The following PUM1 variants were observed in gnomAD, a reference collection of about 807,000 sequenced individuals.
PUM1 encodes the protein pumilio RNA binding family member 1, also known as pumilio homolog 1.
A neutral mutation model predicts 131.8 loss-of-function variants in PUM1; 13 were observed. The observed-to-expected ratio is 0.10, with a 90% CI of 0.06 to 0.16. PUM1 has a LOEUF of 0.16. PUM1 is among the 10% of genes least tolerant of loss of function. The probability of loss-of-function intolerance (pLI) is 1.00; values close to 1 mark genes in which losing one functional copy is unlikely to be tolerated. For synonymous variants in PUM1, 509 were observed against 556.5 expected (o/e 0.91, Z 1.20); for missense variants, 961 against 1,512.4 (o/e 0.64, Z 6.05).
At chr1:30,954,602 G>A (rs1310063178) in intron 14 of PUM1, among the ~76,000 whole-genome samples, 2 of 152,118 alleles carry the variant, frequency 1.3e-5, no homozygotes, top group South Asian at 2.1e-4. Flanking sequence ...AAAAATTTTC[G>A]AGTTTTCATT....
At chr1:31,065,207 C>T (rs575851811) in intron 1 of PUM1, among the ~76,000 whole-genome samples, 1 of 152,098 alleles carries the variant, frequency 6.6e-6, no homozygotes, top group Non-Finnish European at 1.5e-5. Flanking sequence ...TCGAAGAAAT[C>T]GGGGTGGCAC....
chr1:30,967,041 A>C, intron 12 of PUM1, 126 bp downstream of exon 12: 1 of 1,062,884 alleles, frequency 9.4e-7, no homozygotes, highest in South Asian at 1.7e-5. Context: ...TCTCTTTTTG[A>C]AACATTACAG....
At chr1:30,972,528 C>G (rs1309209803) in intron 10 of PUM1, among the ~76,000 whole-genome samples, 34 of 147,514 alleles carry the variant, frequency 2.3e-4, no homozygotes, top group African/African-American at 7.6e-4. Context: ...AATCCCAGCA[C>G]TTTGGGAGGC....
intron 2 of PUM1, among the ~76,000 whole-genome samples, chr1:31,058,791 T>G (rs1257041824): frequency 6.6e-6 from 1 of 151,398 alleles, no homozygotes. Context: ...GACAACATGG[T>G]GAAACCCTGT....
intron 2 of PUM1, among the ~76,000 whole-genome samples, chr1:31,039,943 G>C (rs1643765774): frequency 6.6e-6 from 1 of 152,114 alleles, no homozygotes; most frequent in Non-Finnish European, 1.5e-5. Context: ...GGGCCCAGTG[G>C]CTCACACCTG....
chr1:30,976,690 A>T (rs1641149217), intron 9 of PUM1, among the ~76,000 whole-genome samples: 1 of 152,220 alleles, frequency 6.6e-6, no homozygotes, highest in South Asian at 2.1e-4. Context: ...TGCACACTGA[A>T]ACACTATACC....
intron 3 of PUM1, among the ~76,000 whole-genome samples, chr1:31,015,212 A>G (rs1304205902): frequency 1.4e-4 from 22 of 152,216 alleles, no homozygotes; most frequent in Admixed American, 1.4e-3. Flanking sequence ...TTCAAAATAT[A>G]CTTTTGTTAT....
At chr1:31,062,513 G>C (rs1212911006) in intron 1 of PUM1, among the ~76,000 whole-genome samples, 1 of 151,726 alleles carries the variant, frequency 6.6e-6, no homozygotes, top group African/African-American at 2.4e-5. Context: ...CCAGCTACTC[G>C]GGAGACTGAG....
intron 3 of PUM1, among the ~76,000 whole-genome samples, chr1:31,023,891 A>T (rs891506965): frequency 3.5e-5 from 5 of 143,868 alleles, no homozygotes; most frequent in African/African-American, 1.3e-4. Context: ...ATCGCGCCAC[A>T]CTTCAGCCTG....
intron 2 of PUM1, among the ~76,000 whole-genome samples, chr1:31,045,248 C>G (rs1643924609): frequency 1.3e-5 from 2 of 152,210 alleles, no homozygotes; most frequent in South Asian, 4.1e-4. Flanking sequence ...ATTCTCCTGC[C>G]TCGGCCTCTT....
chr1:31,012,138 G>C (rs531838345), intron 3 of PUM1, among the ~76,000 whole-genome samples: 30 of 151,964 alleles, frequency 2.0e-4, no homozygotes, highest in Admixed American at 7.2e-4. Context: ...TAAAGAACTG[G>C]CTTCCTCCTA....
intron 1 of PUM1, among the ~76,000 whole-genome samples, chr1:31,064,338 A>G (rs1192150196): frequency 6.6e-6 from 1 of 152,170 alleles, no homozygotes; most frequent in Non-Finnish European, 1.5e-5. Flanking sequence ...CAAAACACTA[A>G]CTCAAAGTTC....
chr1:31,041,264 TG>T (rs1010681949), intron 2 of PUM1, among the ~76,000 whole-genome samples: 3 of 152,124 alleles, frequency 2.0e-5, no homozygotes, highest in Non-Finnish European at 4.4e-5. Context: ...TTAACAGATA[TG>T]GGGGTCTTGG....
intron 9 of PUM1, among the ~76,000 whole-genome samples, chr1:30,977,971 G>A (rs943482269): frequency 3.9e-5 from 6 of 152,260 alleles, no homozygotes; most frequent in Admixed American, 2.0e-4. Flanking sequence ...TAGGTTGGGC[G>A]CAGTGGCTCA....
chr1:30,992,412 A>T lies in PUM1; in HGVS notation c.1136T>A (p.Phe379Tyr). ...TACCTGTTGTTGAGAATTGTAGTCA[A>T]AAAGTCCCACAGTTGCTGCTGCTGA... ...VDSAAATVGL[F>Y]DYNSQQQLFQ... is the part of the protein sequence containing the mutation. Residue 379 changes from phenylalanine (F) to tyrosine (Y), a missense_variant, in exon 7 of 22, where the codon TTT becomes TAT. Transcript: ENST00000426105. 1 of 1,614,130 alleles carries T rather than the reference A, an allele frequency of 6.2e-7. No individual in the cohort carries two copies. The highest frequency in any genetic ancestry group is 1.7e-5 in the Admixed American group (1 of 60,026).
chr1:31,050,678 T>C (rs2124587794), intron 2 of PUM1, among the ~76,000 whole-genome samples: 1 of 152,300 alleles, frequency 6.6e-6, no homozygotes, highest in Middle Eastern at 3.4e-3. Context: ...TCTACCCAGG[T>C]AGACAAGATT....
At chr1:30,936,062 T>A (rs1204875432) in intron 21 of PUM1, among the ~76,000 whole-genome samples, 1 of 142,564 alleles carries the variant, frequency 7.0e-6, no homozygotes, top group Non-Finnish European at 1.5e-5. Context: ...TTCTTCCCTG[T>A]CTAACTCTTC....
intron 2 of PUM1, among the ~76,000 whole-genome samples, chr1:31,034,519 A>G (rs1475555707): frequency 6.6e-6 from 1 of 152,222 alleles, no homozygotes; most frequent in Non-Finnish European, 1.5e-5. Flanking sequence ...TAATTGACGT[A>G]TAAGCAAAAG....
chr1:30,953,655 C>T, intron 15 of PUM1, 59 bp downstream of exon 15: 1 of 1,586,530 alleles, frequency 6.3e-7, no homozygotes, highest in Non-Finnish European at 8.6e-7. Context: ...CCATCTGAGC[C>T]AAGACAGTTA....
Sources: gnomAD v4.1 joint callset for allele counts (sites outside exome capture counted in the v4.1 genomes callset) on GRCh38, gnomAD v4.1.1 for gene constraint, MANE v1.5 for transcripts, NCBI Gene and HGNC (gene_info 2026-07-23, HGNC 2026-07-21) for gene names.